Variants in TUBGCP3 observed in about 807,000 individuals in gnomAD.
TUBGCP3 encodes the protein gamma-tubulin complex component 3.
Under a neutral mutation model 123.1 loss-of-function variants are expected in TUBGCP3, and 50 were observed. The observed-to-expected ratio is 0.41, with a 90% CI of 0.32 to 0.51. The LOEUF (loss-of-function observed/expected upper bound fraction) is 0.51. Ranked by LOEUF, TUBGCP3 falls within the 20% of genes least tolerant of loss-of-function variation. The pLI, the probability that TUBGCP3 is intolerant of heterozygous loss-of-function variation, is 0.36. For synonymous variants in TUBGCP3, 405 were observed against 413.9 expected (o/e 0.98, Z 0.26); for missense variants, 882 against 1,127.0 (o/e 0.78, Z 3.11).
chr13:112,491,592 A>C (rs1269660579), intron 20 of TUBGCP3, among the ~76,000 whole-genome samples: 2 of 149,664 alleles, frequency 1.3e-5, no homozygotes, highest in Non-Finnish European at 3.0e-5. Flanking sequence ...TTTTCTTTAT[A>C]AACTATCTAC....
intron 11 of TUBGCP3, among the ~76,000 whole-genome samples, chr13:112,533,998 G>C (rs1446236901): frequency 6.6e-6 from 1 of 152,022 alleles, no homozygotes; most frequent in Non-Finnish European, 1.5e-5. Flanking sequence ...ATTTCTTGGA[G>C]CCTGCACTAC....
chr13:112,550,226 C>A (rs928805028), intron 8 of TUBGCP3, among the ~76,000 whole-genome samples: 3 of 152,032 alleles, frequency 2.0e-5, no homozygotes, highest in African/African-American at 7.3e-5. Context: ...TCAGTTTTAT[C>A]CAGCAAAACT....
chr13:112,549,884 G>A (rs2139189278), intron 8 of TUBGCP3, among the ~76,000 whole-genome samples: 1 of 151,622 alleles, frequency 6.6e-6, no homozygotes, highest in Middle Eastern at 3.4e-3. Context: ...CAGCTACTCA[G>A]GAGGCTGAGG....
chr13:112,496,776 G>T (rs992557970), intron 20 of TUBGCP3, among the ~76,000 whole-genome samples: 1 of 152,144 alleles, frequency 6.6e-6, no homozygotes, highest in Admixed American at 6.5e-5. Flanking sequence ...CATGAGGTCA[G>T]GAGATCGAGA....
chr13:112,489,707 C>G lies in TUBGCP3; in HGVS notation c.2449-10G>C, dbSNP rs191392319. 9.4e-6 allele frequency: 15 copies of G among 1,601,694 alleles called. No homozygotes were observed. The highest frequency in any genetic ancestry group is 8.3e-5 in the Admixed American group (5 of 59,998). ...TCACTCCCCACTGGCCCTGAACAAT[C>G]AAAAGTACCAAATGTCAGTAAAATC... On this transcript the variant is annotated splice_polypyrimidine_tract_variant and intron_variant, in intron 20 of 21. Coordinates refer to ENST00000261965, the MANE Select transcript of TUBGCP3 (RefSeq NM_006322.6).
intron 13 of TUBGCP3, among the ~76,000 whole-genome samples, chr13:112,526,284 TCAA>T (rs1255011338): frequency 3.0e-5 from 4 of 134,564 alleles, no homozygotes; most frequent in Non-Finnish European, 4.7e-5. Context: ...ATCATCACCA[TCAA>T]CATCATCAAC....
Position 112,568,484 on chromosome 13 carries a change from C to T in TUBGCP3, c.184+668G>A, listed in dbSNP as rs555343121. ...TTACTGAGACCCAAGGCCAAATGGA[C>T]TTCTAAAAGGTGTTATTACTGAGAC... On this transcript the variant is annotated intron_variant, in intron 2 of 21. Transcript: ENST00000261965. 9.9e-5 allele frequency among the ~76,000 whole-genome samples: 15 copies of T among 151,582 alleles called. No individual in the cohort carries two copies. In the South Asian group the frequency reaches 3.1e-3, roughly 32 times the overall value.
the TUBGCP3 span, among the ~76,000 whole-genome samples, chr13:112,599,156 A>G: frequency 3.3e-5 from 5 of 152,358 alleles, no homozygotes; most frequent in South Asian, 1.0e-3. Flanking sequence ...TCACGGGTGC[A>G]TACTGTCAAC....
At chr13:112,528,301 AG>A (rs1877299423) in intron 11 of TUBGCP3, among the ~76,000 whole-genome samples, 1 of 152,238 alleles carries the variant, frequency 6.6e-6, no homozygotes, top group Non-Finnish European at 1.5e-5. Flanking sequence ...GCTGAATTAA[AG>A]TAGCTTTTAG....
At chr13:112,603,134 A>G in the TUBGCP3 span, 1 of 152,210 alleles carries the variant, frequency 6.6e-6, no homozygotes, top group African/African-American at 2.4e-5. Flanking sequence ...GTATTTTATC[A>G]ATTGTGGATT....
intron 17 of TUBGCP3, 29 bp from the exon 18 acceptor site, chr13:112,504,743 G>A (rs1881173006): frequency 6.3e-7 from 1 of 1,576,214 alleles, no homozygotes; most frequent in African/African-American, 1.3e-5. Flanking sequence ...CGTCAGAGGT[G>A]CAATGCAAGT....
chr13:112,496,985 C>CAA (rs60584662), intron 20 of TUBGCP3, among the ~76,000 whole-genome samples: 31 of 101,702 alleles, frequency 3.0e-4, no homozygotes, highest in African/African-American at 3.6e-4. Context: ...GACTCCCTCT[C>CAA]AAAAAAAAAA....
intron 17 of TUBGCP3, among the ~76,000 whole-genome samples, chr13:112,506,355 C>T (rs570109481): frequency 3.9e-5 from 6 of 152,356 alleles, no homozygotes; most frequent in South Asian, 2.1e-4. Flanking sequence ...ATGGCTATGA[C>T]TGATGTATCA....
intron 1 of TUBGCP3, among the ~76,000 whole-genome samples, chr13:112,572,843 G>A (rs112741164): frequency 3.0e-3 from 459 of 152,254 alleles, no homozygotes; most frequent in African/African-American, 0.01. Context: ...TACAAAGTGA[G>A]CACATGCTGT....
At chr13:112,585,539 G>T (rs1882548042) in intron 1 of TUBGCP3, among the ~76,000 whole-genome samples, 1 of 151,922 alleles carries the variant, frequency 6.6e-6, no homozygotes, top group South Asian at 2.1e-4. Flanking sequence ...CGGCAGGGGG[G>T]TGGGGTGCAG....
the TUBGCP3 span, among the ~76,000 whole-genome samples, chr13:112,600,355 CTGAT>C: frequency 6.6e-6 from 1 of 152,194 alleles, no homozygotes; most frequent in South Asian, 2.1e-4. Context: ...TAACGAGCTT[CTGAT>C]TGATTGACTA....
intron 5 of TUBGCP3, among the ~76,000 whole-genome samples, chr13:112,557,435 C>T (rs147372015): frequency 6.6e-6 from 1 of 152,186 alleles, no homozygotes; most frequent in Non-Finnish European, 1.5e-5. Context: ...ATGGAAAACA[C>T]CATTTATTTG....
At position 112,527,469 on chromosome 13, in the gene TUBGCP3, C is replaced by T. The variant is rs1323351831; in HGVS notation, c.1351G>A (p.Asp451Asn). 3 of 1,612,732 alleles carry T rather than the reference C, an allele frequency of 1.9e-6. No individual in the cohort carries two copies. The East Asian group carries it at 6.7e-5, about 36-fold the overall frequency. Residue 451 changes from aspartate (D) to asparagine (N), a missense_variant, in exon 12 of 22, where the codon GAT becomes AAT. By Grantham distance (23) the Asp-to-Asn change is conservative. This residue lies in a region of TUBGCP3 where 713 missense variants were observed against 874.0 expected (regional missense o/e 0.82). Coordinates refer to ENST00000261965, the MANE Select transcript of TUBGCP3 (RefSeq NM_006322.6). ...AGTCGATCTGTTTTAACTGTTGGAT[C>T]TGATGCTACAAAAAACTGAAAGCAA... ...DTYHEFFVAS[D>N]PTVKTDRLWH...
At chr13:112,548,052 TCA>T in intron 9 of TUBGCP3, 54 bp downstream of exon 9, 1 of 1,347,606 alleles carries the variant, frequency 7.4e-7, no homozygotes, top group East Asian at 2.5e-5. Context: ...CTATATAGCT[TCA>T]ATTTTGTAAC....
Sources: gnomAD v4.1 joint callset for allele counts (sites outside exome capture counted in the v4.1 genomes callset) on GRCh38, gnomAD v4.1.1 for gene constraint, gnomAD v4.1.1 regional missense constraint, MANE v1.5 for transcripts, NCBI Gene and HGNC (gene_info 2026-07-23, HGNC 2026-07-21) for gene names.